NTRK2: variants seen among roughly 807,000 people sequenced by gnomAD.
The protein encoded by NTRK2 is neurotrophic receptor tyrosine kinase 2, also known as BDNF/NT-3 growth factors receptor.
Under a neutral mutation model 94.5 loss-of-function variants are expected in NTRK2, and 13 were observed. That is an observed-to-expected ratio of 0.14 (90% CI 0.09 to 0.22). The LOEUF (loss-of-function observed/expected upper bound fraction) is 0.22. Among genes scored for constraint, NTRK2 ranks in the 10% least tolerant of loss-of-function variants. The pLI is 1.00. For missense variants in NTRK2, 639 were observed against 1,071.2 expected (o/e 0.60, Z 5.63); for synonymous variants, 372 against 407.4 (o/e 0.91, Z 1.05).
intron 11 of NTRK2, among the ~76,000 whole-genome samples, chr9:84,750,299 A>G (rs2064472202): frequency 6.6e-6 from 1 of 152,174 alleles, no homozygotes; most frequent in Non-Finnish European, 1.5e-5. Context: ...TTAGACTAAG[A>G]TCTTGGACAA....
At chr9:84,821,383 A>G (rs1330615846) in intron 12 of NTRK2, among the ~76,000 whole-genome samples, 1 of 152,040 alleles carries the variant, frequency 6.6e-6, no homozygotes, top group Non-Finnish European at 1.5e-5. Context: ...TTTCAGTTCT[A>G]TTTGATCAAA....
chr9:84,703,349 T>A (rs2060846359), intron 4 of NTRK2, among the ~76,000 whole-genome samples: 3 of 152,358 alleles, frequency 2.0e-5, no homozygotes, highest in African/African-American at 7.2e-5. Flanking sequence ...AGATCTTTTT[T>A]ATGCACATTT....
At chr9:84,730,766 G>A (rs374130793) in intron 9 of NTRK2, among the ~76,000 whole-genome samples, 620 of 6,970 alleles carry the variant, frequency 0.089, no homozygotes, top group Middle Eastern at 0.1. Context: ...AAAAACTAAA[G>A]AAAAATAAAC....
chr9:84,902,870 A>G (rs1159499482), intron 14 of NTRK2, among the ~76,000 whole-genome samples: 6 of 152,224 alleles, frequency 3.9e-5, no homozygotes, highest in Non-Finnish European at 8.8e-5. Context: ...TTTCATCTGT[A>G]AAATGGGCAC....
intron 14 of NTRK2, among the ~76,000 whole-genome samples, chr9:84,910,324 A>C (rs2077202014): frequency 6.6e-6 from 1 of 152,116 alleles, no homozygotes; most frequent in South Asian, 2.1e-4. Flanking sequence ...TTACCTCAAA[A>C]GGCTGTAGGG....
At chr9:84,952,044 A>G (rs2078801871) in intron 16 of NTRK2, among the ~76,000 whole-genome samples, 1 of 152,184 alleles carries the variant, frequency 6.6e-6, no homozygotes, top group Admixed American at 6.5e-5. Flanking sequence ...GTTGCCGTCT[A>G]ATGAGGGGAA....
intron 12 of NTRK2, chr9:84,814,648 A>ACTTCTCTCTTGGTTTGAATCTGATTC: frequency 1.9e-6 from 2 of 1,065,472 alleles, no homozygotes; most frequent in Non-Finnish European, 2.3e-6. Flanking sequence ...GCTGTCTAGA[A>ACTTCTCTCTTGGTTTGAATCTGATTC]CTTCTCTCTT....
chr9:84,751,575 C>T (rs929137457), intron 11 of NTRK2, among the ~76,000 whole-genome samples: 56 of 151,044 alleles, frequency 3.7e-4, no homozygotes, highest in South Asian at 2.1e-4. Flanking sequence ...AGTGAGACTC[C>T]GTCACACACA....
chr9:84,704,665 T>C (rs185498389), intron 4 of NTRK2, among the ~76,000 whole-genome samples: 1 of 152,212 alleles, frequency 6.6e-6, no homozygotes, highest in Non-Finnish European at 1.5e-5. Flanking sequence ...TGTTGGGATG[T>C]CAATCATTGA....
chr9:84,675,671 AAGAT>A (rs887405134), intron 2 of NTRK2, among the ~76,000 whole-genome samples: 1 of 151,968 alleles, frequency 6.6e-6, no homozygotes, highest in Admixed American at 6.6e-5. Context: ...GAGAGAGAGA[AAGAT>A]AGAGGGAAGA....
intron 2 of NTRK2, among the ~76,000 whole-genome samples, chr9:84,680,371 C>A (rs752114397): frequency 3.3e-5 from 5 of 152,142 alleles, no homozygotes; most frequent in Non-Finnish European, 7.4e-5. Flanking sequence ...AGTAATCCAG[C>A]TGAGTTTCAT....
intron 12 of NTRK2, among the ~76,000 whole-genome samples, chr9:84,782,388 A>G (rs2067678878): frequency 6.6e-6 from 1 of 152,226 alleles, no homozygotes; most frequent in African/African-American, 2.4e-5. Context: ...TCTATAGGAA[A>G]CGGAACTGTG....
At chr9:84,702,309 G>A in intron 3 of NTRK2, 39 bp from the exon 4 acceptor site, 1 of 1,610,410 alleles carries the variant, frequency 6.2e-7, no homozygotes. Context: ...GGCATTCACT[G>A]GTTCGTTCTA....
chr9:84,816,109 T>A (rs1456698739), intron 12 of NTRK2, among the ~76,000 whole-genome samples: 1 of 152,120 alleles, frequency 6.6e-6, no homozygotes, highest in Non-Finnish European at 1.5e-5. Context: ...GTATACTCAA[T>A]GCTCTGTTTC....
chr9:84,786,038 A>C (rs2068080798), intron 12 of NTRK2, among the ~76,000 whole-genome samples: 1 of 152,192 alleles, frequency 6.6e-6, no homozygotes, highest in African/African-American at 2.4e-5. Context: ...TGGGAATTCC[A>C]AAAGTCGCCC....
chr9:84,733,101 A>G (rs900725195), intron 9 of NTRK2, among the ~76,000 whole-genome samples: 1 of 152,176 alleles, frequency 6.6e-6, no homozygotes, highest in Admixed American at 6.5e-5. Context: ...CTTCTCTGGC[A>G]AGGGTCAGGC....
At chr9:84,771,920 A>T (rs1038454734) in intron 12 of NTRK2, among the ~76,000 whole-genome samples, 2 of 152,348 alleles carry the variant, frequency 1.3e-5, no homozygotes, top group African/African-American at 4.8e-5. Flanking sequence ...GAAATGGTAA[A>T]GAGTAAAATG....
At chr9:84,854,076 A>G (rs1410391004) in intron 12 of NTRK2, among the ~76,000 whole-genome samples, 1 of 151,816 alleles carries the variant, frequency 6.6e-6, no homozygotes. Flanking sequence ...TGTCTCAAAA[A>G]AAAAAAAAGA....
At chr9:84,673,856 C>T (rs931813573) in intron 2 of NTRK2, among the ~76,000 whole-genome samples, 21 of 152,178 alleles carry the variant, frequency 1.4e-4, no homozygotes, top group African/African-American at 4.1e-4. Context: ...GTATGTATCA[C>T]GCCTGCTCAA....
Sources: gnomAD v4.1 joint callset for allele counts (sites outside exome capture counted in the v4.1 genomes callset) on GRCh38, gnomAD v4.1.1 for gene constraint, MANE v1.5 for transcripts, NCBI Gene and HGNC (gene_info 2026-07-23, HGNC 2026-07-21) for gene names.